The following MORN4 variants were observed in gnomAD, a reference collection of about 807,000 sequenced individuals.
MORN4 encodes the protein MORN repeat-containing protein 4.
MORN4 carries 8 observed loss-of-function variants against 16.4 expected under a neutral mutation model. The ratio of observed to expected loss-of-function variants is 0.49; its 90% CI spans 0.29 to 0.88. The LOEUF (loss-of-function observed/expected upper bound fraction) is 0.88, where lower values mean the gene tolerates loss of function less well. MORN4 is among the 40% of genes least tolerant of loss of function. MORN4 has a pLI of 0.09. For synonymous variants in MORN4, 53 were observed against 68.9 expected (o/e 0.77, Z 1.14); for missense variants, 159 against 182.9 (o/e 0.87, Z 0.75).
chr10:97,624,901 A>G (rs959870359), intron 1 of MORN4, among the ~76,000 whole-genome samples: 6 of 152,198 alleles, frequency 3.9e-5, no homozygotes, highest in Admixed American at 3.9e-4. Context: ...CATGTTGGTC[A>G]GGTGACCTCA....
chr10:97,625,244 A>C (rs2041336930), intron 1 of MORN4, among the ~76,000 whole-genome samples: 1 of 152,226 alleles, frequency 6.6e-6, no homozygotes, highest in African/African-American at 2.4e-5. Flanking sequence ...CTGGCCTCCC[A>C]GGATAATATG....
chr10:97,618,258 C>CTTTTTTTTTTTTTTTTTTTTTTTT (rs1192502394), intron 2 of MORN4, among the ~76,000 whole-genome samples: 1 of 92,820 alleles, frequency 1.1e-5, no homozygotes, highest in Non-Finnish European at 2.0e-5. Flanking sequence ...AGCCTCTCTT[C>CTTTTTTTTTTTTTTTTTTTTTTTT]TTTTTTTTTT....
Position 97,633,225 on chromosome 10 carries a change from G to T in MORN4, c.-31+122C>A. The stretch of plus-strand genomic sequence containing the variant: ...GGTCCCCCACAGGCAACCGCCCTCA[G>T]GTCAGCGTATCCGAGGTGGAGCCGC... On this transcript the variant is annotated intron_variant, in intron 1 of 4. Transcript: ENST00000307450. This position sits in a 1 kb window ranked among gnomAD's most constrained non-coding sequence, Gnocchi z 4.5. 1 of 1,164,132 alleles carries T rather than the reference G, an allele frequency of 8.6e-7. No individual in the cohort carries two copies. Among genetic ancestry groups the T allele is most frequent in the Non-Finnish European group, 1.1e-6 (1 of 898,138 alleles). The allele number at this position is 1,164,132 out of a possible 1,614,324, so 72.1% of individuals were successfully genotyped here. A position where few individuals can be genotyped will look rare whatever the true frequency, so the allele number is the denominator to read the frequency against.
At chr10:97,630,222 C>T (rs1205278857) in intron 1 of MORN4, among the ~76,000 whole-genome samples, 3 of 151,308 alleles carry the variant, frequency 2.0e-5, no homozygotes, top group Admixed American at 6.6e-5. Flanking sequence ...CCACTGTGCC[C>T]GGCCCCGGCT....
chr10:97,616,767 T>G lies in MORN4; in HGVS notation c.203A>C (p.Gln68Pro), dbSNP rs757665862. 12 of 1,613,798 alleles carry G rather than the reference T, an allele frequency of 7.4e-6. No individual in the cohort carries two copies. The highest frequency in any genetic ancestry group is 9.3e-6 in the Non-Finnish European group (11 of 1,179,802). The change falls in exon 4 of 5, where the codon CAG (glutamine) becomes CCG (proline). Residue 68 changes from glutamine (Q) to proline (P), a missense_variant. Gln to Pro is a moderately conservative substitution (Grantham distance 76). Coordinates refer to ENST00000307450, the MANE Select transcript of MORN4 (RefSeq NM_178832.4). ...GACTCCGACGCCATTAAACTTGCCC[T>G]GGGCAAACTCCCCCTCATACCTGCA... ...DGSRYEGEFA[Q>P]GKFNGVGVFI...
intron 1 of MORN4, among the ~76,000 whole-genome samples, chr10:97,621,927 C>T (rs1474895502): frequency 6.6e-6 from 1 of 152,038 alleles, no homozygotes; most frequent in Non-Finnish European, 1.5e-5. Flanking sequence ...GGCTGTGTGA[C>T]TTGTTCTAGA....
chr10:97,622,985 A>C (rs2041316769), intron 1 of MORN4, among the ~76,000 whole-genome samples: 1 of 151,824 alleles, frequency 6.6e-6, no homozygotes, highest in South Asian at 2.1e-4. Context: ...CCTGGATTCA[A>C]GGCATCCCGT....
Position 97,616,763 on chromosome 10 carries a change from GC to G in MORN4, c.206del (p.Gly69AlafsTer15). On this transcript the variant is annotated frameshift_variant, in exon 4 of 5. Transcript: ENST00000307450. LOFTEE classifies it high-confidence loss of function. ...GSRYEGEFAQ[G>X]KFNGVGVFIR... is the part of the protein sequence containing the mutation. ...TGAAGACTCCGACGCCATTAAACTT[GC>G]CCTGGGCAAACTCCCCCTCATACCT... 1 of 1,613,914 alleles carries G rather than the reference GC, an allele frequency of 6.2e-7. No homozygotes were observed. Among genetic ancestry groups the G allele is most frequent in the Non-Finnish European group, 8.5e-7 (1 of 1,179,858 alleles).
intron 1 of MORN4, among the ~76,000 whole-genome samples, chr10:97,623,987 T>C (rs753774970): frequency 1.5e-4 from 23 of 151,930 alleles, no homozygotes; most frequent in Non-Finnish European, 2.8e-4. Flanking sequence ...CCGCCCGCCT[T>C]GGCCTCCCAA....
chr10:97,616,199 C>T lies in MORN4; in HGVS notation c.*64G>A, dbSNP rs1053099163. On this transcript the variant is annotated 3_prime_UTR_variant, in exon 5 of 5. Coordinates refer to ENST00000307450, the MANE Select transcript of MORN4 (RefSeq NM_178832.4). ...ATCTCAGCTCTGATTCATTTGTTCACCTCGAATCAACAACAGGGGCACTGG... is the reference window on the plus strand; with the variant it reads ...ATCTCAGCTCTGATTCATTTGTTCATCTCGAATCAACAACAGGGGCACTGG... 16 of 1,457,448 alleles carry T rather than the reference C, an allele frequency of 1.1e-5. No individual in the cohort carries two copies. In the East Asian group the frequency reaches 2.6e-4, roughly 24 times the overall value. The allele number at this position is 1,457,448 out of a possible 1,614,324, so 90.3% of individuals were successfully genotyped here.
rs2041412850 is a variant in MORN4, at chr10:97,633,262, G to T, written c.-31+85C>A. The T allele has an allele frequency of 8.1e-7, 1 of 1,240,630 alleles. No individual in the cohort carries two copies. The highest frequency in any genetic ancestry group is 1.0e-6 in the Non-Finnish European group (1 of 959,496). 76.9% of individuals were successfully genotyped at this position (1,240,630 alleles called of 1,614,324 possible). ...CGAGGTGGAGCCGCGCCCCCGAGCC[G>T]GGTCATCTCGTGCTCCGTTCCTCAG... On this transcript the variant is annotated intron_variant, in intron 1 of 4. Transcript: ENST00000307450. The surrounding 1 kb of genome is among the most constrained non-coding windows in gnomAD (Gnocchi z 4.5).
rs911843834 is a variant in MORN4 at position 97,615,704 on chromosome 10, G to A, written c.*559C>T. 2.0e-5 allele frequency: 3 copies of A among 151,852 alleles called. No individual in the cohort carries two copies. Among genetic ancestry groups the A allele is most frequent in the South Asian group, 2.1e-4 (1 of 4,816 alleles). 9.4% of individuals were successfully genotyped at this position (151,852 alleles called of 1,614,324 possible). On this transcript the variant is annotated 3_prime_UTR_variant, in exon 5 of 5. Coordinates refer to ENST00000307450, the MANE Select transcript of MORN4 (RefSeq NM_178832.4). ...CATGCCACTGCACTCTAGCCTGGGC[G>A]AGAGTAAAACTCCATCTCAAAAATA...
At chr10:97,627,886 A>T (rs2041361825) in intron 1 of MORN4, among the ~76,000 whole-genome samples, 2 of 152,176 alleles carry the variant, frequency 1.3e-5, no homozygotes, top group Non-Finnish European at 1.5e-5. Flanking sequence ...TCAGCATCCA[A>T]TTTCAGGCTC....
In MORN4 at chr10:97,614,851, G is replaced by A. The variant is rs1410000493; in HGVS notation, c.*1412C>T. The A allele has an allele frequency of 6.6e-6, 1 of 152,338 alleles. No homozygotes were observed. The highest frequency in any genetic ancestry group is 1.5e-5 in the Non-Finnish European group (1 of 68,046). 9.4% of individuals were successfully genotyped at this position (152,338 alleles called of 1,614,324 possible). ...TCCTTTAGTTCCCCACAGTCCTAGA[G>A]TAGGTCCAATTCTACCAAAACCCCA... On this transcript the variant is annotated 3_prime_UTR_variant, in exon 5 of 5. Coordinates refer to ENST00000307450, the MANE Select transcript of MORN4 (RefSeq NM_178832.4).
intron 2 of MORN4, among the ~76,000 whole-genome samples, chr10:97,617,752 C>T (rs1041528392): frequency 4.6e-5 from 7 of 152,090 alleles, no homozygotes; most frequent in Admixed American, 3.3e-4. Context: ...CCCAGCTACT[C>T]GGGAGGCTGA....
chr10:97,616,536 A>T (rs1589916884), intron 4 of MORN4, 125 bp from the exon 5 acceptor site: 1 of 1,287,268 alleles, frequency 7.8e-7, no homozygotes, highest in Admixed American at 2.1e-5. Flanking sequence ...ACTCAGGAGT[A>T]CTCTATTGAT....
At chr10:97,633,661 A>C, upstream of MORN4, 1 of 1,259,896 alleles carries the variant, frequency 7.9e-7, no homozygotes, top group Non-Finnish European at 1.0e-6. The surrounding 1 kb of genome is among the most constrained non-coding windows in gnomAD (Gnocchi z 4.5). Flanking sequence ...TCTGCAACGC[A>C]GATAAAGACA....
intron 1 of MORN4, among the ~76,000 whole-genome samples, chr10:97,625,402 G>A (rs2041337927): frequency 6.6e-6 from 1 of 152,186 alleles, no homozygotes; most frequent in South Asian, 2.1e-4. Flanking sequence ...TAGTTGGCAG[G>A]TGGATTAAAT....
chr10:97,616,487 G>T, intron 4 of MORN4, 76 bp from the exon 5 acceptor site: 1 of 1,498,142 alleles, frequency 6.7e-7, no homozygotes, highest in East Asian at 2.3e-5. Context: ...CTTTGGCCTT[G>T]ATATGTCCAG....
Sources: allele counts gnomAD v4.1 joint callset (sites outside exome capture counted in the v4.1 genomes callset), GRCh38; gene constraint gnomAD v4.1.1; non-coding constraint Gnocchi (gnomAD v3.1); transcripts MANE v1.5; gene names NCBI Gene and HGNC (gene_info 2026-07-23, HGNC 2026-07-21).